CRTAC1: variants seen among roughly 807,000 people sequenced by gnomAD.
CRTAC1 encodes the protein acidic secreted protein in cartilage.
A neutral mutation model predicts 67.8 loss-of-function variants in CRTAC1; 37 were observed. The observed-to-expected ratio is 0.55, with a 90% CI of 0.42 to 0.72. The LOEUF is 0.72. Among genes scored for constraint, CRTAC1 ranks in the 30% least tolerant of loss-of-function variants. The pLI, the probability that CRTAC1 is intolerant of heterozygous loss-of-function variation, is 0.00. For synonymous variants in CRTAC1, 348 were observed against 371.0 expected (o/e 0.94, Z 0.71); for missense variants, 780 against 931.6 (o/e 0.84, Z 2.12).
intron 4 of CRTAC1, among the ~76,000 whole-genome samples, chr10:97,920,733 A>C (rs2050825013): frequency 6.6e-6 from 1 of 152,246 alleles, no homozygotes; most frequent in Non-Finnish European, 1.5e-5. Flanking sequence ...TCCAGGCTGC[A>C]TCTCCTCAGA....
chr10:97,904,611 G>T (rs2050584210), intron 7 of CRTAC1, 58 bp downstream of exon 7: 3 of 1,458,406 alleles, frequency 2.1e-6, no homozygotes, highest in Non-Finnish European at 1.8e-6. Context: ...AGTAGAGACA[G>T]GGTTTTGCCA....
chr10:97,898,237 A>G (rs1016736310), intron 8 of CRTAC1, among the ~76,000 whole-genome samples: 2 of 152,222 alleles, frequency 1.3e-5, no homozygotes, highest in Admixed American at 6.5e-5. Context: ...GGTATGGTGC[A>G]CAGCAGAAAG....
intron 2 of CRTAC1, among the ~76,000 whole-genome samples, chr10:97,966,124 G>A (rs1186464099): frequency 6.6e-6 from 1 of 152,148 alleles, no homozygotes; most frequent in Non-Finnish European, 1.5e-5. Context: ...CATCACCCAG[G>A]CTTGAGTGCA....
At chr10:97,902,279 CAT>C (rs1298941128) in intron 7 of CRTAC1, among the ~76,000 whole-genome samples, 2 of 152,244 alleles carry the variant, frequency 1.3e-5, no homozygotes, top group Non-Finnish European at 2.9e-5. Flanking sequence ...GTGGGCATGA[CAT>C]AGCTCGCTGG....
chr10:98,018,199 C>CAA (rs71007373), intron 1 of CRTAC1, among the ~76,000 whole-genome samples: 1,901 of 48,614 alleles, frequency 0.039, 265 homozygotes, highest in East Asian at 0.11. Flanking sequence ...AAGATGCCCG[C>CAA]AAAAAAAAAA....
chr10:97,935,470 G>A (rs1028977318), intron 3 of CRTAC1, among the ~76,000 whole-genome samples: 1 of 152,154 alleles, frequency 6.6e-6, no homozygotes, highest in African/African-American at 2.4e-5. Context: ...CATAGCCTGG[G>A]AGCGGGTCAG....
rs539457632 is a variant in CRTAC1 at position 97,928,888 on chromosome 10, C to A, written c.422-5488G>T. On this transcript the variant is annotated intron_variant, in intron 3 of 14. Transcript: ENST00000370597. The stretch of plus-strand genomic sequence containing the variant: ...AATTCCAGGACTGAGGGCAAAGGGG[C>A]CATTGGTGGCTTCTGATCTGGGGAA... 8.9e-4 allele frequency among the ~76,000 whole-genome samples: 135 copies of A among 152,084 alleles called. 1 individual carries two copies. The highest frequency in any genetic ancestry group is 3.2e-3 in the African/African-American group (134 of 41,480).
chr10:98,011,144 A>C lies in CRTAC1; in HGVS notation c.218T>G (p.Val73Gly). The change falls in exon 2 of 15, where the codon GTG (valine) becomes GGG (glycine). Residue 73 changes from valine (V) to glycine (G), a missense_variant. By Grantham distance (109) the Val-to-Gly change is moderately radical. Transcript: ENST00000370597. ...VDHDGDFEIV[V>G]AGYNGPNLVL... The stretch of plus-strand genomic sequence containing the variant: ...GAGGGTGGGAGGCACTTACCCCGCC[A>C]CGACGATCTCAAAGTCCCCATCATG... The C allele has an allele frequency of 6.2e-7, 1 of 1,614,138 alleles. No homozygotes were observed. The highest frequency in any genetic ancestry group is 8.5e-7 in the Non-Finnish European group (1 of 1,179,972).
At chr10:98,013,937 G>A (rs972649392) in intron 1 of CRTAC1, among the ~76,000 whole-genome samples, 1 of 152,248 alleles carries the variant, frequency 6.6e-6, no homozygotes, top group Non-Finnish European at 1.5e-5. Flanking sequence ...ACCAGGGAGA[G>A]AGTGGGGCAG....
At chr10:97,937,371 C>T (rs2051106981) in intron 2 of CRTAC1, among the ~76,000 whole-genome samples, 1 of 152,118 alleles carries the variant, frequency 6.6e-6, no homozygotes, top group Non-Finnish European at 1.5e-5. Flanking sequence ...TAGCAACCAC[C>T]CCCGCCACTG....
At chr10:98,000,258 C>A (rs1842664213) in intron 2 of CRTAC1, among the ~76,000 whole-genome samples, 1 of 152,222 alleles carries the variant, frequency 6.6e-6, no homozygotes. Context: ...GAGAGAAGAG[C>A]TGTGACCCCT....
chr10:97,960,740 A>C (rs1310132559), intron 2 of CRTAC1, among the ~76,000 whole-genome samples: 2 of 152,234 alleles, frequency 1.3e-5, no homozygotes, highest in Non-Finnish European at 2.9e-5. Context: ...CTTATGGGTC[A>C]ACATATTCAA....
chr10:97,879,864 G>A (rs1191884010), intron 14 of CRTAC1: 2 of 1,049,690 alleles, frequency 1.9e-6, no homozygotes, highest in African/African-American at 1.7e-5. Flanking sequence ...TGGGGACGGG[G>A]TGGGGGTGGA....
chr10:97,931,256 A>T (rs1004937821), intron 3 of CRTAC1, among the ~76,000 whole-genome samples: 1 of 152,234 alleles, frequency 6.6e-6, no homozygotes, highest in Admixed American at 6.5e-5. Flanking sequence ...CTTCCTGAGC[A>T]GTGGCCCTAG....
intron 7 of CRTAC1, among the ~76,000 whole-genome samples, chr10:97,903,811 T>C (rs192895923): frequency 6.6e-6 from 1 of 152,186 alleles, no homozygotes; most frequent in African/African-American, 2.4e-5. Flanking sequence ...ACAGCCCTTT[T>C]GAAGAATTCT....
At chr10:98,019,073 G>A (rs530619253) in intron 1 of CRTAC1, among the ~76,000 whole-genome samples, 4 of 152,154 alleles carry the variant, frequency 2.6e-5, no homozygotes, top group East Asian at 1.9e-4. Flanking sequence ...AGTTAGCTGG[G>A]GGGGGAGCTG....
intron 5 of CRTAC1, 133 bp downstream of exon 5, chr10:97,917,367 T>G: frequency 1.7e-6 from 1 of 603,652 alleles, no homozygotes; most frequent in Non-Finnish European, 2.5e-6. Context: ...GAATGGAGCC[T>G]TCATCTCCCC....
intron 11 of CRTAC1, among the ~76,000 whole-genome samples, chr10:97,891,245 A>G (rs1211736252): frequency 3.3e-5 from 5 of 152,242 alleles, no homozygotes; most frequent in Non-Finnish European, 7.3e-5. Flanking sequence ...TTTTAAAAAT[A>G]GTTTTCTTAT....
At chr10:98,011,039 G>A (rs958833842) in intron 2 of CRTAC1, 99 bp downstream of exon 2, 6 of 1,021,446 alleles carry the variant, frequency 5.9e-6, no homozygotes, top group African/African-American at 1.6e-5. Flanking sequence ...GAGTGAGAAC[G>A]TATGTTGTTG....
Sources: gnomAD v4.1 joint callset for allele counts (sites outside exome capture counted in the v4.1 genomes callset) on GRCh38, gnomAD v4.1.1 for gene constraint, MANE v1.5 for transcripts, NCBI Gene and HGNC (gene_info 2026-07-23, HGNC 2026-07-21) for gene names.